TSPAN12: variants seen among roughly 807,000 people sequenced by gnomAD.
The protein encoded by TSPAN12 is tetraspanin 12, also known as tetraspanin-12.
A neutral mutation model predicts 39.2 loss-of-function variants in TSPAN12; 19 were observed. That is an observed-to-expected ratio of 0.49 (90% CI 0.34 to 0.71). The LOEUF (loss-of-function observed/expected upper bound fraction) is 0.71. Ranked by LOEUF, TSPAN12 falls within the 30% of genes least tolerant of loss-of-function variation. TSPAN12 has a pLI of 0.01. For synonymous variants in TSPAN12, 119 were observed against 124.8 expected (o/e 0.95, Z 0.31); for missense variants, 314 against 359.9 (o/e 0.87, Z 1.03).
chr7:120,842,983 TACTATTAGTAATTAATC>T (rs1363253208), intron 2 of TSPAN12, among the ~76,000 whole-genome samples: 1 of 152,026 alleles, frequency 6.6e-6, no homozygotes, highest in Non-Finnish European at 1.5e-5. Flanking sequence ...AGTAATTAAT[TACTATTAGTAATTAATC>T]ACTGTTAATT....
At chr7:120,823,731 G>C (rs1794230899) in intron 4 of TSPAN12, among the ~76,000 whole-genome samples, 1 of 152,160 alleles carries the variant, frequency 6.6e-6, no homozygotes, top group South Asian at 2.1e-4. Flanking sequence ...AAAGGAATCT[G>C]CTCAAACAAA....
chr7:120,831,934 A>G (rs1794397847), intron 4 of TSPAN12, among the ~76,000 whole-genome samples: 1 of 152,074 alleles, frequency 6.6e-6, no homozygotes, highest in African/African-American at 2.4e-5. Flanking sequence ...ATAAATATAT[A>G]CAATTATTAT....
chr7:120,797,266 T>C (rs1584923001), intron 7 of TSPAN12, among the ~76,000 whole-genome samples: 1 of 152,372 alleles, frequency 6.6e-6, no homozygotes, highest in Middle Eastern at 3.4e-3. Flanking sequence ...GTGTTAAGTG[T>C]AGGCCTTCAT....
At chr7:120,835,983 T>C (rs549652334) in intron 4 of TSPAN12, among the ~76,000 whole-genome samples, 2 of 152,308 alleles carry the variant, frequency 1.3e-5, no homozygotes, top group Admixed American at 1.3e-4. Flanking sequence ...GTCTCCATTG[T>C]AGAAGGGCTT....
chr7:120,798,152 G>A (rs976373831), intron 7 of TSPAN12, among the ~76,000 whole-genome samples: 4 of 152,172 alleles, frequency 2.6e-5, no homozygotes, highest in Non-Finnish European at 5.9e-5. Context: ...GAAACAGAGT[G>A]AAAGAAAAGA....
At chr7:120,847,713 C>T (rs971351468) in intron 2 of TSPAN12, among the ~76,000 whole-genome samples, 7 of 152,186 alleles carry the variant, frequency 4.6e-5, no homozygotes, top group Non-Finnish European at 1.0e-4. Flanking sequence ...AGGCCTTCAT[C>T]CTCTTTTGCT....
At chr7:120,840,260 G>A in intron 2 of TSPAN12, 151 bp from the exon 3 acceptor site, 1 of 722,892 alleles carries the variant, frequency 1.4e-6, no homozygotes, top group African/African-American at 1.8e-5. Flanking sequence ...ATAAATAACT[G>A]CCATTCCATT....
chr7:120,848,910 T>G (rs1794721762), intron 2 of TSPAN12, among the ~76,000 whole-genome samples: 1 of 152,184 alleles, frequency 6.6e-6, no homozygotes, highest in Non-Finnish European at 1.5e-5. Context: ...CGAGACTAGG[T>G]CAACTCAATA....
intron 7 of TSPAN12, among the ~76,000 whole-genome samples, chr7:120,794,212 A>G (rs1793586513): frequency 1.3e-5 from 2 of 152,246 alleles, no homozygotes; most frequent in African/African-American, 4.8e-5. Flanking sequence ...TATAAGTAAA[A>G]GCACAAATTT....
At chr7:120,837,353 C>T (rs1325393617) in intron 4 of TSPAN12, among the ~76,000 whole-genome samples, 3 of 151,122 alleles carry the variant, frequency 2.0e-5, no homozygotes, top group Non-Finnish European at 4.4e-5. Context: ...GCTCTGTCGC[C>T]CAGGCTGGAG....
intron 7 of TSPAN12, among the ~76,000 whole-genome samples, chr7:120,792,831 G>A (rs753433620): frequency 2.0e-4 from 30 of 152,182 alleles, no homozygotes; most frequent in Non-Finnish European, 4.0e-4. Context: ...AAAATGTCCT[G>A]TTCTCTTAAA....
At chr7:120,788,933 T>A (rs1173102909) in intron 7 of TSPAN12, 36 bp from the exon 8 acceptor site, 5 of 1,609,028 alleles carry the variant, frequency 3.1e-6, no homozygotes, top group Admixed American at 3.3e-5. Flanking sequence ...TTACTTTAGA[T>A]ATGTTACAGA....
At chr7:120,823,590 G>C (rs1007113021) in intron 4 of TSPAN12, among the ~76,000 whole-genome samples, 11 of 152,066 alleles carry the variant, frequency 7.2e-5, no homozygotes, top group South Asian at 2.1e-4. Context: ...AAGTATGGTG[G>C]GTGAGGCACA....
At chr7:120,847,246 AAC>A (rs1381078804) in intron 2 of TSPAN12, among the ~76,000 whole-genome samples, 2,296 of 149,332 alleles carry the variant, frequency 0.015, 63 homozygotes, top group African/African-American at 0.051. Flanking sequence ...AAAAAAAAAA[AAC>A]AAAAAACCAG....
intron 4 of TSPAN12, among the ~76,000 whole-genome samples, chr7:120,837,381 G>T (rs1485625820): frequency 2.0e-5 from 3 of 149,796 alleles, no homozygotes; most frequent in African/African-American, 4.9e-5. Context: ...ACGTGATCTC[G>T]GCTCACTGCA....
chr7:120,848,952 C>T (rs764956283), intron 2 of TSPAN12, among the ~76,000 whole-genome samples: 10 of 152,190 alleles, frequency 6.6e-5, no homozygotes, highest in Non-Finnish European at 1.5e-4. Flanking sequence ...AGAAGCACAA[C>T]TTATGTGAGG....
At chr7:120,841,726 G>A (rs990249639) in intron 2 of TSPAN12, among the ~76,000 whole-genome samples, 3 of 152,030 alleles carry the variant, frequency 2.0e-5, no homozygotes, top group East Asian at 1.9e-4. Flanking sequence ...GAAAAAAACC[G>A]AAACATAATG....
At chr7:120,828,972 TTA>T (rs1370826020) in intron 4 of TSPAN12, among the ~76,000 whole-genome samples, 3 of 152,196 alleles carry the variant, frequency 2.0e-5, no homozygotes, top group Non-Finnish European at 2.9e-5. Flanking sequence ...TTCTTAAAGA[TTA>T]TGTTTCTAAA....
At chr7:120,815,420 A>T (rs1794060619) in intron 5 of TSPAN12, among the ~76,000 whole-genome samples, 1 of 152,104 alleles carries the variant, frequency 6.6e-6, no homozygotes, top group Admixed American at 6.6e-5. Context: ...AGTTTCCCTC[A>T]CGCTGTTCTT....
Sources: allele counts gnomAD v4.1 joint callset (sites outside exome capture counted in the v4.1 genomes callset), GRCh38; gene constraint gnomAD v4.1.1; transcripts MANE v1.5; gene names NCBI Gene and HGNC (gene_info 2026-07-23, HGNC 2026-07-21).